The following DUOX1 variants were observed in gnomAD, a reference collection of about 807,000 sequenced individuals.
The protein encoded by DUOX1 is dual oxidase 1.
Under a neutral mutation model 181.8 loss-of-function variants are expected in DUOX1, and 134 were observed. The ratio of observed to expected loss-of-function variants is 0.74; its 90% CI spans 0.64 to 0.85. The LOEUF (loss-of-function observed/expected upper bound fraction) is 0.85, where lower values mean the gene tolerates loss of function less well. DUOX1 is among the 40% of genes least tolerant of loss of function. DUOX1 has a pLI of 0.00. For missense variants in DUOX1, 1,814 were observed against 2,064.4 expected (o/e 0.88, Z 2.35); for synonymous variants, 798 against 832.5 (o/e 0.96, Z 0.71).
rs776290514 is a variant in DUOX1, at chr15:45,162,314, T to C, written c.4185T>C (p.Phe1395=). Residue 1395 remains phenylalanine, a synonymous_variant, in exon 31 of 34, where the codon TTT becomes TTC. Transcript: ENST00000389037. The part of the protein sequence containing the change: ...LVGGGIGVTP[F]ASILKDLVFK... ...GAGGGGGCATTGGGGTCACCCCTTT[T>C]GCCTCCATCCTCAAAGACCTGGTCT... The C allele has an allele frequency of 8.7e-6, 14 of 1,614,154 alleles. No individual in the cohort carries two copies. Among genetic ancestry groups the C allele is most frequent in the African/African-American group, 4.0e-5 (3 of 75,062 alleles).
At chr15:45,138,772 A>T in intron 10 of DUOX1, 1 of 377,660 alleles carries the variant, frequency 2.6e-6, no homozygotes, top group Admixed American at 4.3e-5. Flanking sequence ...GAGGACTAAG[A>T]CCTAGATCTT....
chr15:45,153,402 G>A lies in DUOX1; in HGVS notation c.3447G>A (p.Val1149=). Residue 1149 remains valine, a synonymous_variant, in exon 26 of 34, where the codon GTG becomes GTA. Coordinates refer to ENST00000389037, the MANE Select transcript of DUOX1 (RefSeq NM_175940.3). ...VLTVLHSVGH[V]VNVYLFSISP... is the part of the protein sequence containing the mutation. ...TAGTCTTACACAGTGTGGGCCATGT[G>A]GTGAATGTGTACCTGTTCTCCATCA... 6.2e-7 allele frequency: 1 copy of A among 1,613,942 alleles called. No individual in the cohort carries two copies.
intron 1 of DUOX1, 189 bp from the exon 2 acceptor site, chr15:45,131,729 G>A (rs892571787): frequency 1.1e-5 from 6 of 567,878 alleles, no homozygotes; most frequent in Admixed American, 9.4e-5. Context: ...TCAGTGGCTG[G>A]TATGTAGTGG....
At chr15:45,154,807 C>T (rs977459488) in intron 27 of DUOX1, among the ~76,000 whole-genome samples, 31 of 152,146 alleles carry the variant, frequency 2.0e-4, no homozygotes, top group Non-Finnish European at 4.1e-4. Flanking sequence ...CTTCCTTGAT[C>T]ACTTGAGGGA....
At position 45,130,734 on chromosome 15, in the gene DUOX1, C is replaced by T. The variant is rs145373366; in HGVS notation, c.-50+636C>T. ...CCTTCCTCTTCAGGTCATCCCCACACAGCCTGGTCTGAAAGCCCATTTCAT... is the reference window on the plus strand; with the variant it reads ...CCTTCCTCTTCAGGTCATCCCCACATAGCCTGGTCTGAAAGCCCATTTCAT... On this transcript the variant is annotated intron_variant, in intron 1 of 33. Coordinates refer to ENST00000389037, the MANE Select transcript of DUOX1 (RefSeq NM_175940.3). Among the ~76,000 whole-genome samples, 27 of 152,336 alleles carry T rather than the reference C, an allele frequency of 1.8e-4. 1 individual carries two copies. In the South Asian group the frequency reaches 4.6e-3, roughly 26 times the overall value.
intron 28 of DUOX1, among the ~76,000 whole-genome samples, chr15:45,160,440 G>T (rs929638058): frequency 6.6e-6 from 1 of 152,192 alleles, no homozygotes; most frequent in African/African-American, 2.4e-5. Context: ...TAGTGCAATG[G>T]GAAGGCCACC....
chr15:45,133,145 C>T (rs1174779890), intron 2 of DUOX1, among the ~76,000 whole-genome samples: 1 of 152,222 alleles, frequency 6.6e-6, no homozygotes, highest in East Asian at 1.9e-4. Flanking sequence ...CTCTGTCCCT[C>T]ATTCCTCAGT....
chr15:45,145,172 A>G lies in DUOX1; in HGVS notation c.2322+92A>G, dbSNP rs1000524687. ...GTGACTCGAGGGGAAGTCAAAGCCC[A>G]GAGTTCTCAGCTAATAATCAAGTCT... On this transcript the variant is annotated intron_variant, in intron 18 of 33. Coordinates refer to ENST00000389037, the MANE Select transcript of DUOX1 (RefSeq NM_175940.3). 52 of 1,220,656 alleles carry G rather than the reference A, an allele frequency of 4.3e-5. No individual in the cohort carries two copies. In the Middle Eastern group the frequency reaches 1.0e-3, roughly 24 times the overall value. The allele number at this position is 1,220,656 out of a possible 1,614,324, so 75.6% of individuals were successfully genotyped here.
At chr15:45,163,154 TG>T (rs1897148030) in intron 31 of DUOX1, among the ~76,000 whole-genome samples, 2 of 152,252 alleles carry the variant, frequency 1.3e-5, no homozygotes, top group African/African-American at 4.8e-5. Flanking sequence ...AGGCAGCTGC[TG>T]GGTCTCCCTG....
chr15:45,133,975 C>T, intron 3 of DUOX1, 28 bp downstream of exon 3: 1 of 1,611,230 alleles, frequency 6.2e-7, no homozygotes, highest in Admixed American at 1.7e-5. Flanking sequence ...GGGGATAGAA[C>T]CCCAGGGCCA....
rs1896697070 is a variant in DUOX1 at position 45,147,935 on chromosome 15, C to G, written c.2580C>G (p.Phe860Leu). ...GSPEEKSRLM[F>L]RMYDFDGNGL... ...CTGAGGAAAAGTCTCGCCTTATGTT[C>G]CGCATGTACGACTTTGATGGGAATG... The change falls in exon 20 of 34, where the codon TTC becomes TTG. Residue 860 changes from phenylalanine (F) to leucine (L), a missense_variant. Physicochemically the swap from Phe to Leu is conservative, Grantham distance 22. Around this residue, in one of 5 missense-constraint regions of DUOX1, gnomAD observed 1,064 missense variants for 1,152.9 expected, o/e 0.92. Transcript: ENST00000389037. 1.9e-6 allele frequency: 3 copies of G among 1,614,080 alleles called. No homozygotes were observed. The highest frequency in any genetic ancestry group is 1.3e-5 in the African/African-American group (1 of 74,946).
At chr15:45,157,663 A>G (rs1267415610) in intron 28 of DUOX1, among the ~76,000 whole-genome samples, 1 of 152,050 alleles carries the variant, frequency 6.6e-6, no homozygotes, top group East Asian at 1.9e-4. Flanking sequence ...TACTAAAAAT[A>G]CAAAAATTAG....
intron 3 of DUOX1, 37 bp from the exon 4 acceptor site, chr15:45,134,108 T>C (rs759420070): frequency 1.3e-6 from 2 of 1,540,664 alleles, no homozygotes; most frequent in East Asian, 2.3e-5. Flanking sequence ...GAATGCCCCC[T>C]GAAGATTCAT....
intron 15 of DUOX1, among the ~76,000 whole-genome samples, 172 bp from the exon 16 acceptor site, chr15:45,143,018 A>G (rs1169008234): frequency 6.6e-6 from 1 of 152,070 alleles, no homozygotes; most frequent in Non-Finnish European, 1.5e-5. Flanking sequence ...AAAGCTCCCC[A>G]TGGGATGCAG....
chr15:45,136,236 A>G, intron 7 of DUOX1, 114 bp from the exon 8 acceptor site: 1 of 1,531,124 alleles, frequency 6.5e-7, no homozygotes, highest in East Asian at 2.3e-5. Context: ...TGCTTCTCCC[A>G]TGACTGACCC....
In DUOX1 at chr15:45,152,529, T is replaced by TGTC. The variant is rs1285236079; in HGVS notation, c.3424+14_3424+16dup. ...ATCGTCCTCACAGGCAGGGCCTGGGTGTCCCTGGGAGGCTCTCCAGGGCCT... is the reference window on the plus strand; with the variant it reads ...ATCGTCCTCACAGGCAGGGCCTGGGTGTCGTCCCTGGGAGGCTCTCCAGGGCCT... On this transcript the variant is annotated intron_variant, in intron 25 of 33. Coordinates refer to ENST00000389037, the MANE Select transcript of DUOX1 (RefSeq NM_175940.3). 1 of 1,612,732 alleles carries TGTC rather than the reference T, an allele frequency of 6.2e-7. No individual in the cohort carries two copies. Among genetic ancestry groups the TGTC allele is most frequent in the African/African-American group, 1.3e-5 (1 of 74,896 alleles).
intron 21 of DUOX1, among the ~76,000 whole-genome samples, chr15:45,148,784 C>T (rs920271152): frequency 7.9e-5 from 12 of 152,054 alleles, no homozygotes; most frequent in Non-Finnish European, 1.5e-4. Flanking sequence ...TGGAACTCTG[C>T]TTCCCCTGGC....
At position 45,139,528 on chromosome 15, in the gene DUOX1, G is replaced by C; in HGVS notation, c.1318G>C (p.Ala440Pro). 3 of 1,613,196 alleles carry C rather than the reference G, an allele frequency of 1.9e-6. No homozygotes were observed. The highest frequency in any genetic ancestry group is 2.5e-6 in the Non-Finnish European group (3 of 1,179,718). The change falls in exon 12 of 34, where the codon GCA (alanine) becomes CCA (proline). Residue 440 changes from alanine to proline, a missense_variant. Around this residue, in one of 5 missense-constraint regions of DUOX1, gnomAD observed 1,064 missense variants for 1,152.9 expected, o/e 0.92. Transcript: ENST00000389037. ...LGLPSYTKAR[A>P]ALGLSPITRW... ...CCTGCCCTCTTACACCAAGGCCAGG[G>C]CAGCACTGGGCTTGTCTCCCATTAC...
rs772380394 is a variant in DUOX1 at position 45,140,959 on chromosome 15, G to A, written c.1454G>A (p.Gly485Glu). 5 of 1,614,040 alleles carry A rather than the reference G, an allele frequency of 3.1e-6. No individual in the cohort carries two copies. Among genetic ancestry groups the A allele is most frequent in the Non-Finnish European group, 4.2e-6 (5 of 1,180,040 alleles). ...TCCTGGCTAGAGCTGCTCCCTGGGG[G>A]ACTCCTGGAGAGCCACCGGGACCCT... ...DLSWLELLPG[G>E]LLESHRDPGP... The change falls in exon 13 of 34, where the codon GGA (glycine) becomes GAA (glutamate). Residue 485 changes from glycine (G) to glutamate (E), a missense_variant. By Grantham distance (98) the Gly-to-Glu change is moderately conservative. Transcript: ENST00000389037.
Sources: gnomAD v4.1 joint callset for allele counts (sites outside exome capture counted in the v4.1 genomes callset) on GRCh38, gnomAD v4.1.1 for gene constraint, gnomAD v4.1.1 regional missense constraint, MANE v1.5 for transcripts, NCBI Gene and HGNC (gene_info 2026-07-23, HGNC 2026-07-21) for gene names.